Variants in GPC5 observed in about 807,000 individuals in gnomAD.
The protein encoded by GPC5 is glypican-5.
GPC5 carries 47 observed loss-of-function variants against 53.9 expected under a neutral mutation model. The observed-to-expected ratio is 0.87, with a 90% CI of 0.69 to 1.11. GPC5 has a LOEUF of 1.11. Among genes scored for constraint, GPC5 ranks in the 50% most tolerant of loss-of-function variants. The probability of loss-of-function intolerance (pLI) is 0.00; values close to 1 mark genes in which losing one functional copy is unlikely to be tolerated. For missense variants in GPC5, 748 were observed against 713.1 expected, an observed-to-expected ratio of 1.05 and a Z score of -0.56; for synonymous variants, 286 against 263.3, an observed-to-expected ratio of 1.09 and a Z score of -0.84.
chr13:92,725,475 G>C (rs1016505614), intron 7 of GPC5, among the ~76,000 whole-genome samples: 1 of 151,338 alleles, frequency 6.6e-6, no homozygotes, highest in South Asian at 2.1e-4. Context: ...TTTGGCAATT[G>C]CAACTCTAGA....
At chr13:92,691,650 A>G (rs970752226) in intron 7 of GPC5, among the ~76,000 whole-genome samples, 3 of 152,210 alleles carry the variant, frequency 2.0e-5, no homozygotes, top group Non-Finnish European at 4.4e-5. Context: ...TATTAGATTT[A>G]TTGGAAAAAT....
At chr13:92,685,543 CAT>C (rs1491492089) in intron 7 of GPC5, among the ~76,000 whole-genome samples, 1 of 65,032 alleles carries the variant, frequency 1.5e-5, no homozygotes, top group East Asian at 6.4e-4. Flanking sequence ...AAATTATGCT[CAT>C]TTTTTTTTTT....
intron 2 of GPC5, among the ~76,000 whole-genome samples, chr13:91,512,334 T>A (rs988870933): frequency 6.6e-6 from 1 of 152,230 alleles, no homozygotes; most frequent in African/African-American, 2.4e-5. Context: ...TCTCTTTCTG[T>A]CCTATTCTTC....
chr13:92,004,458 T>TTATATATATATATATA (rs58376767), intron 6 of GPC5, among the ~76,000 whole-genome samples: 4,177 of 81,790 alleles, frequency 0.051, 283 homozygotes, highest in Non-Finnish European at 0.06. Context: ...AAAAAAAAAA[T>TTATATATATATATATA]TATATATATA....
chr13:92,481,995 G>A (rs28446259), intron 7 of GPC5, among the ~76,000 whole-genome samples: 19,606 of 151,844 alleles, frequency 0.13, 1,330 homozygotes, highest in African/African-American at 0.15. Flanking sequence ...GCCGGGTGTC[G>A]GGGTGGGCAC....
chr13:92,051,647 G>A (rs941886173), intron 6 of GPC5, among the ~76,000 whole-genome samples: 2 of 152,148 alleles, frequency 1.3e-5, no homozygotes, highest in African/African-American at 4.8e-5. Context: ...TGACCTTAGT[G>A]GCTTCAGCTG....
chr13:92,805,378 T>A (rs1473672135), intron 7 of GPC5, among the ~76,000 whole-genome samples: 1 of 152,072 alleles, frequency 6.6e-6, no homozygotes, highest in Non-Finnish European at 1.5e-5. Context: ...CTTGTACATC[T>A]TCTTCAGAGC....
rs1023004531 is a variant in GPC5, at chr13:91,975,186, A to T, written c.1401+67129A>T. Among the ~76,000 whole-genome samples the T allele has an allele frequency of 6.6e-5, 10 of 152,018 alleles. No individual in the cohort carries two copies. In the South Asian group the frequency reaches 1.0e-3, roughly 16 times the overall value. On this transcript the variant is annotated intron_variant, in intron 6 of 7. Coordinates refer to ENST00000377067, the MANE Select transcript of GPC5 (RefSeq NM_004466.6). The stretch of plus-strand genomic sequence containing the variant: ...AAAACCCTAGAAGAAAACCTAGGCA[A>T]TACCATTCAGGACATAGGCATGGGC...
intron 5 of GPC5, among the ~76,000 whole-genome samples, chr13:91,794,684 G>T (rs1321764752): frequency 6.6e-6 from 1 of 152,142 alleles, no homozygotes; most frequent in Non-Finnish European, 1.5e-5. Flanking sequence ...TTAGGTCTAG[G>T]GTCTAACGTC....
intron 7 of GPC5, among the ~76,000 whole-genome samples, chr13:92,680,945 C>G (rs552771902): frequency 6.6e-6 from 1 of 152,072 alleles, no homozygotes; most frequent in Non-Finnish European, 1.5e-5. Context: ...CTGGATATCC[C>G]TCAGGTACCT....
intron 5 of GPC5, among the ~76,000 whole-genome samples, chr13:91,841,914 G>A (rs2038792310): frequency 6.6e-6 from 1 of 152,130 alleles, no homozygotes; most frequent in Non-Finnish European, 1.5e-5. Flanking sequence ...GGACTTAGTA[G>A]TGATTCACAC....
At chr13:92,421,698 C>CAAAAAAAAAAAAAAAAAAAAAAAAAAAA (rs34055682) in intron 7 of GPC5, among the ~76,000 whole-genome samples, 10 of 69,484 alleles carry the variant, frequency 1.4e-4, no homozygotes, top group East Asian at 8.9e-4. Context: ...GACTCCGTCT[C>CAAAAAAAAAAAAAAAAAAAAAAAAAAAA]AAAAAAAAAA....
At position 92,248,070 on chromosome 13, in the gene GPC5, G is replaced by T. The variant is rs139364326; in HGVS notation, c.1561+103081G>T. 7.2e-5 allele frequency among the ~76,000 whole-genome samples: 11 copies of T among 152,142 alleles called. 1 individual carries two copies. The East Asian group carries it at 2.1e-3, about 29-fold the overall frequency. On this transcript the variant is annotated intron_variant, in intron 7 of 7. Transcript: ENST00000377067. ...GATGTAGATAATGGCAAGTTAGCAG[G>T]GTAAGTCATATTTCAATGTGCAACC...
chr13:92,314,147 G>T (rs375512410), intron 7 of GPC5, among the ~76,000 whole-genome samples: 1 of 151,646 alleles, frequency 6.6e-6, no homozygotes, highest in Admixed American at 6.6e-5. Flanking sequence ...TATTTTTTTC[G>T]CCCAAACATG....
intron 2 of GPC5, among the ~76,000 whole-genome samples, chr13:91,545,545 G>A (rs2030233824): frequency 2.7e-5 from 4 of 149,262 alleles, no homozygotes; most frequent in African/African-American, 1.0e-4. Context: ...AATTATTGTG[G>A]TGAGAACACT....
intron 3 of GPC5, among the ~76,000 whole-genome samples, chr13:91,704,776 C>T (rs1024479280): frequency 6.6e-6 from 1 of 152,190 alleles, no homozygotes; most frequent in Admixed American, 6.5e-5. Flanking sequence ...AGTGGATAGC[C>T]AGGGCCTCTG....
intron 2 of GPC5, among the ~76,000 whole-genome samples, chr13:91,572,315 G>T (rs1252555663): frequency 6.6e-6 from 1 of 151,556 alleles, no homozygotes; most frequent in Admixed American, 6.6e-5. Flanking sequence ...CTATAAAGTA[G>T]AATAAAATAA....
intron 7 of GPC5, among the ~76,000 whole-genome samples, chr13:92,649,576 C>A (rs1885888020): frequency 6.6e-6 from 1 of 151,946 alleles, no homozygotes; most frequent in African/African-American, 2.4e-5. Context: ...TGGACCAGTG[C>A]CAAGTAGAAT....
intron 7 of GPC5, among the ~76,000 whole-genome samples, chr13:92,590,108 C>A (rs1214822481): frequency 2.0e-5 from 3 of 152,158 alleles, no homozygotes; most frequent in African/African-American, 7.2e-5. Context: ...TTCAGGCCCC[C>A]ATGGCCAGGG....
Sources: gnomAD v4.1 joint callset for allele counts (sites outside exome capture counted in the v4.1 genomes callset) on GRCh38, gnomAD v4.1.1 for gene constraint, MANE v1.5 for transcripts, NCBI Gene and HGNC (gene_info 2026-07-23, HGNC 2026-07-21) for gene names.